Variants in PDE10A observed in about 807,000 individuals in gnomAD.
PDE10A encodes phosphodiesterase 10A, also known as cAMP and cAMP-inhibited cGMP 3',5'-cyclic phosphodiesterase 10A.
A neutral mutation model predicts 97.7 loss-of-function variants in PDE10A; 39 were observed. The ratio of observed to expected loss-of-function variants is 0.40; its 90% CI spans 0.31 to 0.52. PDE10A has a LOEUF of 0.52. Ranked by LOEUF, PDE10A falls within the 20% of genes least tolerant of loss-of-function variation. The pLI is 0.56. For synonymous variants in PDE10A, 371 were observed against 376.8 expected (o/e 0.98, Z 0.18); for missense variants, 731 against 1,047.8 (o/e 0.70, Z 4.17).
chr6:165,445,535 C>T (rs934675398), intron 5 of PDE10A, among the ~76,000 whole-genome samples: 6 of 152,188 alleles, frequency 3.9e-5, no homozygotes, highest in African/African-American at 1.2e-4. Context: ...AGGGCCAGGA[C>T]AGGCAACAGG....
intron 1 of PDE10A, among the ~76,000 whole-genome samples, chr6:165,867,689 T>C (rs1357674426): frequency 5.3e-5 from 8 of 151,930 alleles, no homozygotes; most frequent in African/African-American, 1.9e-4. Context: ...TAACAGACAT[T>C]TAAAGAACAT....
At position 165,496,123 on chromosome 6, in the gene PDE10A, A is replaced by G. The variant is rs117015349; in HGVS notation, c.995-13780T>C. Among the ~76,000 whole-genome samples, 30 of 152,080 alleles carry G rather than the reference A, an allele frequency of 2.0e-4. No individual in the cohort carries two copies. The East Asian group carries it at 5.5e-3, about 28-fold the overall frequency. ...ATAAGCAAAGCAGCCATCCAGGAAG[A>G]AAACTCCAAGCAGAGGGATCAGCCT... On this transcript the variant is annotated intron_variant, in intron 2 of 21. Transcript: ENST00000539869.
intron 1 of PDE10A, among the ~76,000 whole-genome samples, chr6:165,742,509 G>A (rs1792751201): frequency 6.6e-6 from 1 of 152,046 alleles, no homozygotes; most frequent in Non-Finnish European, 1.5e-5. Flanking sequence ...CCCCATTATT[G>A]AAGGCTCTAA....
chr6:165,681,456 G>A (rs573272599), intron 1 of PDE10A, among the ~76,000 whole-genome samples: 2 of 151,352 alleles, frequency 1.3e-5, no homozygotes, highest in South Asian at 2.1e-4. Context: ...TTAAAGCAAT[G>A]GTGCAGAACC....
At chr6:165,632,200 C>CAAAAAA (rs71552885) in intron 1 of PDE10A, among the ~76,000 whole-genome samples, 19 of 67,250 alleles carry the variant, frequency 2.8e-4, no homozygotes, top group African/African-American at 3.5e-4. Flanking sequence ...GAGTCCATCT[C>CAAAAAA]AAAAAAAAAA....
At chr6:165,537,361 T>C (rs2128318951) in intron 2 of PDE10A, among the ~76,000 whole-genome samples, 1 of 152,104 alleles carries the variant, frequency 6.6e-6, no homozygotes, top group African/African-American at 2.4e-5. Context: ...TAAGATCTAG[T>C]ATTTGGTAGC....
chr6:165,744,945 G>A (rs1314296434), intron 1 of PDE10A, among the ~76,000 whole-genome samples: 3 of 151,962 alleles, frequency 2.0e-5, no homozygotes, highest in African/African-American at 4.8e-5. Flanking sequence ...TTATTTAAAA[G>A]TATTCATTTG....
chr6:165,396,180 C>T (rs936608588), intron 14 of PDE10A, 137 bp downstream of exon 14: 31 of 736,330 alleles, frequency 4.2e-5, no homozygotes, highest in Non-Finnish European at 6.2e-5. Flanking sequence ...ACTTCAGAAG[C>T]AGACAATGGC....
intron 1 of PDE10A, among the ~76,000 whole-genome samples, chr6:165,659,247 T>C (rs1322588267): frequency 6.6e-6 from 1 of 151,934 alleles, no homozygotes; most frequent in Non-Finnish European, 1.5e-5. Flanking sequence ...CGTGACAACT[T>C]GCATATCAGA....
intron 1 of PDE10A, among the ~76,000 whole-genome samples, chr6:165,785,712 G>T (rs1778474968): frequency 1.3e-5 from 2 of 152,274 alleles, no homozygotes; most frequent in Admixed American, 1.3e-4. Flanking sequence ...CTTTTTATTA[G>T]GGGGATAAAA....
At chr6:165,629,682 C>T (rs754167889) in intron 1 of PDE10A, among the ~76,000 whole-genome samples, 16 of 151,894 alleles carry the variant, frequency 1.1e-4, no homozygotes, top group Non-Finnish European at 2.4e-4. Flanking sequence ...GACAAGTGCA[C>T]GCCACCACAC....
intron 1 of PDE10A, among the ~76,000 whole-genome samples, chr6:165,959,101 G>C (rs901764155): frequency 2.0e-5 from 3 of 152,226 alleles, no homozygotes; most frequent in Admixed American, 1.3e-4. Flanking sequence ...ACATAGCAGA[G>C]TTTGAAGCTC....
chr6:165,863,551 C>A (rs1291157182), intron 1 of PDE10A, among the ~76,000 whole-genome samples: 1 of 152,170 alleles, frequency 6.6e-6, no homozygotes, highest in Non-Finnish European at 1.5e-5. Flanking sequence ...ATAGCACATT[C>A]ATTTCCTTTC....
chr6:165,398,086 T>C (rs531785578), intron 13 of PDE10A, among the ~76,000 whole-genome samples: 1 of 152,196 alleles, frequency 6.6e-6, no homozygotes, highest in Non-Finnish European at 1.5e-5. Context: ...ATCAAATGCT[T>C]TATTTAATAC....
At chr6:165,760,436 G>T (rs541503152) in intron 1 of PDE10A, among the ~76,000 whole-genome samples, 1 of 152,268 alleles carries the variant, frequency 6.6e-6, no homozygotes, top group East Asian at 1.9e-4. Flanking sequence ...GAAAATCAAG[G>T]TCTGACCAAG....
chr6:165,415,876 C>A (rs1310219572), intron 12 of PDE10A, among the ~76,000 whole-genome samples: 1 of 152,096 alleles, frequency 6.6e-6, no homozygotes, highest in Non-Finnish European at 1.5e-5. Context: ...ATGTTTGTTA[C>A]AAAATCATGA....
At chr6:165,398,256 T>G (rs1786335824) in intron 13 of PDE10A, among the ~76,000 whole-genome samples, 1 of 152,128 alleles carries the variant, frequency 6.6e-6, no homozygotes. Flanking sequence ...CCCAGCACTT[T>G]GGGAGGCAGA....
At chr6:165,584,287 T>C (rs73022146) in intron 1 of PDE10A, among the ~76,000 whole-genome samples, 2,977 of 152,284 alleles carry the variant, frequency 0.02, 42 homozygotes, top group Non-Finnish European at 0.03. Context: ...GGGCCAGTCA[T>C]GCTCATACAC....
At chr6:165,583,129 A>C (rs560608664) in intron 1 of PDE10A, among the ~76,000 whole-genome samples, 2 of 152,186 alleles carry the variant, frequency 1.3e-5, no homozygotes, top group Non-Finnish European at 2.9e-5. Flanking sequence ...CCATTTACTA[A>C]ATCATTTAAT....
Sources: allele counts gnomAD v4.1 joint callset (sites outside exome capture counted in the v4.1 genomes callset), GRCh38; gene constraint gnomAD v4.1.1; transcripts MANE v1.5; gene names NCBI Gene and HGNC (gene_info 2026-07-23, HGNC 2026-07-21).